The following FRMD4A variants were observed in gnomAD, a reference collection of about 807,000 sequenced individuals.
FRMD4A encodes the protein FERM domain containing 4A, also known as FERM domain-containing protein 4A.
Under a neutral mutation model 129.1 loss-of-function variants are expected in FRMD4A, and 29 were observed. The observed-to-expected ratio is 0.22, with a 90% CI of 0.17 to 0.31. FRMD4A has a LOEUF of 0.31. FRMD4A is among the 10% of genes least tolerant of loss of function. The probability of loss-of-function intolerance (pLI) is 1.00; values close to 1 mark genes in which losing one functional copy is unlikely to be tolerated. For synonymous variants in FRMD4A, 634 were observed against 571.6 expected (o/e 1.11, Z -1.56); for missense variants, 1,272 against 1,375.8 (o/e 0.92, Z 1.19).
chr10:14,329,979 C>T, intron 2 of FRMD4A, 79 bp downstream of exon 2: 1 of 1,321,354 alleles, frequency 7.6e-7, no homozygotes. Flanking sequence ...GCAGCCACTG[C>T]AGCGGCAGCA....
chr10:13,773,979 G>C (rs1235984297), intron 6 of FRMD4A, among the ~76,000 whole-genome samples: 1 of 152,182 alleles, frequency 6.6e-6, no homozygotes, highest in Non-Finnish European at 1.5e-5. Context: ...TTCCAGGCAG[G>C]CTTCCTGTGA....
intron 2 of FRMD4A, among the ~76,000 whole-genome samples, chr10:14,070,748 C>G (rs1835280886): frequency 6.6e-6 from 1 of 152,168 alleles, no homozygotes; most frequent in African/African-American, 2.4e-5. Flanking sequence ...TGCTAGACAT[C>G]ATGCTAGGCA....
intron 2 of FRMD4A, among the ~76,000 whole-genome samples, chr10:14,109,854 C>T (rs191235274): frequency 6.6e-6 from 1 of 151,796 alleles, no homozygotes; most frequent in East Asian, 1.9e-4. Flanking sequence ...CGCCTGTAAT[C>T]CCAGCGACTC....
chr10:13,982,500 G>A (rs565949309), intron 2 of FRMD4A, among the ~76,000 whole-genome samples: 6 of 130,150 alleles, frequency 4.6e-5, no homozygotes, highest in East Asian at 2.2e-4. Flanking sequence ...GGAGGGGAGG[G>A]GGGGGAAGGG....
At chr10:13,740,406 C>T (rs1179796260) in intron 10 of FRMD4A, 106 bp downstream of exon 10, 7 of 876,820 alleles carry the variant, frequency 8.0e-6, no homozygotes, top group Admixed American at 7.9e-5. Flanking sequence ...AACATACACC[C>T]CCCACTCCCA....
chr10:14,321,148 C>T (rs945206829), intron 2 of FRMD4A, among the ~76,000 whole-genome samples: 3 of 151,958 alleles, frequency 2.0e-5, no homozygotes, highest in African/African-American at 7.3e-5. Context: ...TGTATCCCTC[C>T]TATTAAAACA....
intron 9 of FRMD4A, among the ~76,000 whole-genome samples, chr10:13,743,248 G>A (rs1238061301): frequency 6.6e-6 from 1 of 152,066 alleles, no homozygotes; most frequent in African/African-American, 2.4e-5. Context: ...GACGATTCTC[G>A]AAAAGCATGC....
intron 5 of FRMD4A, among the ~76,000 whole-genome samples, chr10:13,786,591 A>G (rs1325155542): frequency 6.6e-6 from 1 of 152,292 alleles, no homozygotes; most frequent in Non-Finnish European, 1.5e-5. Flanking sequence ...GGGCAACAAA[A>G]GCGAAACTCC....
intron 2 of FRMD4A, among the ~76,000 whole-genome samples, chr10:14,241,213 C>T (rs1017172171): frequency 6.6e-6 from 1 of 152,078 alleles, no homozygotes; most frequent in African/African-American, 2.4e-5. Context: ...AATAAAATAG[C>T]CCAGCTAATG....
intron 2 of FRMD4A, among the ~76,000 whole-genome samples, chr10:14,175,707 T>C (rs999489764): frequency 2.0e-5 from 3 of 152,050 alleles, no homozygotes; most frequent in African/African-American, 4.8e-5. Context: ...AATTTTTTTA[T>C]GGAGACAGGG....
intron 2 of FRMD4A, among the ~76,000 whole-genome samples, chr10:14,177,575 C>T (rs76512476): frequency 0.023 from 3,473 of 152,272 alleles, 105 homozygotes; most frequent in African/African-American, 0.071. Context: ...CCTCTGTACT[C>T]TCTCTGGCTC....
chr10:13,830,198 C>A (rs540467329), intron 3 of FRMD4A, among the ~76,000 whole-genome samples: 2 of 152,232 alleles, frequency 1.3e-5, no homozygotes, highest in Non-Finnish European at 2.9e-5. Context: ...GACTGCCAGG[C>A]AGAGCATCCA....
At chr10:13,708,648 T>C (rs1338930217) in intron 12 of FRMD4A, among the ~76,000 whole-genome samples, 1 of 152,228 alleles carries the variant, frequency 6.6e-6, no homozygotes, top group African/African-American at 2.4e-5. Flanking sequence ...AAGCTCTATG[T>C]TGGCTGACAG....
At position 13,654,579 on chromosome 10, in the gene FRMD4A, G is replaced by A. The variant is rs192725591; in HGVS notation, c.2954-67C>T. On this transcript the variant is annotated intron_variant, in intron 22 of 24. Coordinates refer to ENST00000357447, the MANE Select transcript of FRMD4A (RefSeq NM_018027.5). ...ATCAGACACAGGTGAAAGAGCTTGC[G>A]ACTTGTTGGCTGACACCAACCCAGT... The A allele has an allele frequency of 7.2e-5, 73 of 1,015,474 alleles. No homozygotes were observed. In the Admixed American group the frequency reaches 8.8e-4, roughly 12 times the overall value. 62.9% of individuals were successfully genotyped at this position (1,015,474 alleles called of 1,614,324 possible).
chr10:14,001,691 T>C (rs1336314414), intron 2 of FRMD4A, among the ~76,000 whole-genome samples: 1 of 152,234 alleles, frequency 6.6e-6, no homozygotes, highest in Admixed American at 6.5e-5. Flanking sequence ...TGGCCTTCAA[T>C]GCATTCTATG....
chr10:13,978,224 T>C (rs1044842404), intron 2 of FRMD4A, among the ~76,000 whole-genome samples: 4 of 152,178 alleles, frequency 2.6e-5, no homozygotes, highest in African/African-American at 9.7e-5. Context: ...TTCTATGACG[T>C]GGCCTTTGGG....
intron 2 of FRMD4A, among the ~76,000 whole-genome samples, chr10:14,154,916 G>A (rs562616171): frequency 6.6e-6 from 1 of 152,276 alleles, no homozygotes; most frequent in East Asian, 1.9e-4. Context: ...AAATATGGCA[G>A]GCAAAACAAT....
chr10:14,289,574 G>A (rs908535767), intron 2 of FRMD4A, among the ~76,000 whole-genome samples: 2 of 151,956 alleles, frequency 1.3e-5, no homozygotes, highest in Admixed American at 6.6e-5. Flanking sequence ...TTACAATTCT[G>A]TAGATTGCCT....
rs553655920 is a variant in FRMD4A, at chr10:13,750,738, G to T, written c.465-2919C>A. The stretch of plus-strand genomic sequence containing the variant: ...GAAACTTTAATGCCAGGCTAAGAGG[G>T]TTCAGCCTCTCCTGGGTTTGATCCA... On this transcript the variant is annotated intron_variant, in intron 8 of 24. Coordinates refer to ENST00000357447, the MANE Select transcript of FRMD4A (RefSeq NM_018027.5). 3.4e-3 allele frequency among the ~76,000 whole-genome samples: 519 copies of T among 152,280 alleles called. 1 individual carries two copies. The highest frequency in any genetic ancestry group is 6.8e-3 in the Middle Eastern group (2 of 294).
Sources: allele counts gnomAD v4.1 joint callset (sites outside exome capture counted in the v4.1 genomes callset), GRCh38; gene constraint gnomAD v4.1.1; transcripts MANE v1.5; gene names NCBI Gene and HGNC (gene_info 2026-07-23, HGNC 2026-07-21).